MMP20: variants seen among roughly 807,000 people sequenced by gnomAD.
The protein encoded by MMP20 is matrix metalloproteinase-20.
A neutral mutation model predicts 51.8 loss-of-function variants in MMP20; 50 were observed. The ratio of observed to expected loss-of-function variants is 0.97; its 90% CI spans 0.77 to 1.22. The LOEUF (loss-of-function observed/expected upper bound fraction) is 1.22. Ranked by LOEUF, MMP20 falls within the 50% of genes most tolerant of loss-of-function variation. The probability of loss-of-function intolerance (pLI) is 0.00; values close to 1 mark genes in which losing one functional copy is unlikely to be tolerated. For synonymous variants in MMP20, 244 were observed against 216.2 expected (o/e 1.13, Z -1.13); for missense variants, 663 against 601.4 (o/e 1.10, Z -1.07).
At chr11:102,606,729 C>A in intron 5 of MMP20, 53 bp from the exon 6 acceptor site, 2 of 1,602,450 alleles carry the variant, frequency 1.2e-6, no homozygotes, top group Non-Finnish European at 1.7e-6. Context: ...GGAGTTCACA[C>A]ACTTCTGCTC....
chr11:102,585,313 T>A (rs1026313224), intron 8 of MMP20, among the ~76,000 whole-genome samples: 6 of 152,180 alleles, frequency 3.9e-5, no homozygotes, highest in African/African-American at 9.6e-5. Flanking sequence ...AAAACAACAT[T>A]TTCCATTTCT....
At chr11:102,621,825 A>C (rs772324657) in intron 1 of MMP20, among the ~76,000 whole-genome samples, 1 of 152,244 alleles carries the variant, frequency 6.6e-6, no homozygotes, top group South Asian at 2.1e-4. Flanking sequence ...CACATTTTGA[A>C]GACAGTAACA....
In MMP20 at chr11:102,612,673, A is replaced by G. The variant is rs1038511840; in HGVS notation, c.375-770T>C. ...AGCTCCTCAGGATTTCCCCAGGGCT[A>G]TTGGGGAAGGTTTTTTTTTCCCTCA... On this transcript the variant is annotated intron_variant, in intron 2 of 9. Coordinates refer to ENST00000260228, the MANE Select transcript of MMP20 (RefSeq NM_004771.4). Among the ~76,000 whole-genome samples the G allele has an allele frequency of 5.4e-5, 8 of 148,660 alleles. No individual in the cohort carries two copies. In the South Asian group the frequency reaches 1.1e-3, roughly 20 times the overall value.
chr11:102,582,797 TAGA>T (rs1213553840), intron 8 of MMP20, among the ~76,000 whole-genome samples: 1 of 151,992 alleles, frequency 6.6e-6, no homozygotes, highest in Non-Finnish European at 1.5e-5. Context: ...AGGAAAAAAA[TAGA>T]AGAAAAATAT....
At chr11:102,618,310 T>G (rs1859701109) in intron 1 of MMP20, among the ~76,000 whole-genome samples, 1 of 151,620 alleles carries the variant, frequency 6.6e-6, no homozygotes. Flanking sequence ...ATTTATATAG[T>G]ATAGACATGT....
At chr11:102,598,133 ATGTCT>A (rs1383574604) in intron 6 of MMP20, among the ~76,000 whole-genome samples, 4 of 152,312 alleles carry the variant, frequency 2.6e-5, no homozygotes, top group East Asian at 1.9e-4. Flanking sequence ...GAAAAAAATG[ATGTCT>A]TGTGGCAATA....
At position 102,606,610 on chromosome 11, in the gene MMP20, G is replaced by A; in HGVS notation, c.878C>T (p.Pro293Leu). The change falls in exon 6 of 10, where the codon CCT (proline) becomes CTT (leucine). Residue 293 changes from proline to leucine, a missense_variant. Coordinates refer to ENST00000260228, the MANE Select transcript of MMP20 (RefSeq NM_004771.4). Reference sequence around the variant, plus strand: ...GGATGAGCTGGAGTCACAGAGGTCAGGGATGGATGGCTTGTGATGGGGGGC... The same window carrying A: ...GGATGAGCTGGAGTCACAGAGGTCAAGGATGGATGGCTTGTGATGGGGGGC... ...PHAPHHKPSI[P>L]DLCDSSSSFD... 1.2e-6 allele frequency: 2 copies of A among 1,614,046 alleles called. No homozygotes were observed. The highest frequency in any genetic ancestry group is 1.7e-6 in the Non-Finnish European group (2 of 1,179,912).
intron 6 of MMP20, among the ~76,000 whole-genome samples, chr11:102,603,052 T>A (rs184630594): frequency 2.0e-5 from 3 of 152,360 alleles, no homozygotes; most frequent in African/African-American, 7.2e-5. Context: ...CACAGAACAT[T>A]TGAATGTACG....
At chr11:102,607,436 C>T (rs183768906) in intron 5 of MMP20, 3 of 153,034 alleles carry the variant, frequency 2.0e-5, no homozygotes, top group African/African-American at 7.2e-5. Context: ...TTTGATGAAG[C>T]CTCGTCATAA....
intron 6 of MMP20, among the ~76,000 whole-genome samples, chr11:102,596,787 G>GT (rs1214045771): frequency 1.3e-5 from 2 of 152,184 alleles, no homozygotes; most frequent in Non-Finnish European, 2.9e-5. Flanking sequence ...GTGACCTCTG[G>GT]TTTTTTCTTT....
At chr11:102,619,548 C>A (rs1859720634) in intron 1 of MMP20, among the ~76,000 whole-genome samples, 1 of 148,166 alleles carries the variant, frequency 6.7e-6, no homozygotes, top group African/African-American at 2.5e-5. Flanking sequence ...CAAGATAAAT[C>A]ATAATTTAAT....
intron 3 of MMP20, among the ~76,000 whole-genome samples, chr11:102,610,907 C>T (rs917992716): frequency 6.6e-6 from 1 of 152,120 alleles, no homozygotes; most frequent in East Asian, 1.9e-4. Context: ...AGGGGACAGA[C>T]TGTAAGCTTG....
chr11:102,614,069 A>G (rs1480629699), intron 2 of MMP20, among the ~76,000 whole-genome samples: 2 of 152,214 alleles, frequency 1.3e-5, no homozygotes, highest in Admixed American at 1.3e-4. Flanking sequence ...CTTTGAAGTC[A>G]CACTATGTGC....
At chr11:102,587,502 G>A (rs1478301399) in intron 8 of MMP20, among the ~76,000 whole-genome samples, 1 of 152,082 alleles carries the variant, frequency 6.6e-6, no homozygotes, top group African/African-American at 2.4e-5. Context: ...TTTATTCTTT[G>A]TTGATCTCTC....
chr11:102,623,800 G>A (rs187598596), intron 1 of MMP20, among the ~76,000 whole-genome samples: 57 of 152,300 alleles, frequency 3.7e-4, no homozygotes, highest in African/African-American at 1.3e-3. Flanking sequence ...GCCTCAGCAT[G>A]GCTCTCCTTC....
chr11:102,611,967 T>C, intron 2 of MMP20, 64 bp from the exon 3 acceptor site: 1 of 1,461,392 alleles, frequency 6.8e-7, no homozygotes, highest in Non-Finnish European at 9.6e-7. Flanking sequence ...AAGAATTATA[T>C]GTTGTATTCA....
At chr11:102,617,476 T>C (rs1163234617) in intron 1 of MMP20, among the ~76,000 whole-genome samples, 2 of 152,240 alleles carry the variant, frequency 1.3e-5, no homozygotes, top group African/African-American at 4.8e-5. Context: ...TCTGGTTTCT[T>C]TGGTAAACAG....
At chr11:102,624,991 T>A (rs1273361630) in intron 1 of MMP20, among the ~76,000 whole-genome samples, 8 of 152,206 alleles carry the variant, frequency 5.3e-5, no homozygotes, top group Non-Finnish European at 1.0e-4. Context: ...CCTCATGTAT[T>A]TATTCAGTCA....
chr11:102,625,072 C>G (rs945771923), intron 1 of MMP20, 122 bp downstream of exon 1: 2 of 1,325,886 alleles, frequency 1.5e-6, no homozygotes, highest in Admixed American at 3.5e-5. Context: ...AGTTAGACTT[C>G]AATGGACTTA....
Sources: gnomAD v4.1 joint callset for allele counts (sites outside exome capture counted in the v4.1 genomes callset) on GRCh38, gnomAD v4.1.1 for gene constraint, MANE v1.5 for transcripts, NCBI Gene and HGNC (gene_info 2026-07-23, HGNC 2026-07-21) for gene names.